Variants in XKR9 observed in about 807,000 individuals in gnomAD.
XKR9 encodes XK related 9, also known as XK-related protein 9.
A neutral mutation model predicts 32.0 loss-of-function variants in XKR9; 32 were observed. That is an observed-to-expected ratio of 1.00 (90% CI 0.76 to 1.34). XKR9 has a LOEUF of 1.34. XKR9 is among the 40% of genes most tolerant of loss of function. The probability of loss-of-function intolerance (pLI) is 0.00; values close to 1 mark genes in which losing one functional copy is unlikely to be tolerated. For missense variants in XKR9, 546 were observed against 429.7 expected, an observed-to-expected ratio of 1.27 and a Z score of -2.39; for synonymous variants, 168 against 143.4, an observed-to-expected ratio of 1.17 and a Z score of -1.22.
the XKR9 span, among the ~76,000 whole-genome samples, chr8:70,961,528 C>T: frequency 2.6e-5 from 4 of 152,078 alleles, no homozygotes; most frequent in Non-Finnish European, 5.9e-5. Flanking sequence ...CTTTTTTTGT[C>T]TATTGCCTGA....
At chr8:70,982,582 A>T in the XKR9 span, among the ~76,000 whole-genome samples, 1 of 152,116 alleles carries the variant, frequency 6.6e-6, no homozygotes, top group African/African-American at 2.4e-5. Context: ...GCAGCCAGTG[A>T]CCAGGGCTGA....
the XKR9 span, among the ~76,000 whole-genome samples, chr8:71,038,720 A>G: frequency 1.3e-5 from 2 of 150,584 alleles, no homozygotes; most frequent in African/African-American, 2.4e-5. Flanking sequence ...GTTCTCATGA[A>G]TAATTGTCCT....
intron 3 of XKR9, among the ~76,000 whole-genome samples, chr8:70,700,095 C>T (rs1440289420): frequency 6.6e-6 from 1 of 152,076 alleles, no homozygotes; most frequent in Non-Finnish European, 1.5e-5. Context: ...AAATTTTTTT[C>T]AAAGTTTTTA....
the XKR9 span, among the ~76,000 whole-genome samples, chr8:70,849,767 T>G: frequency 6.6e-6 from 1 of 151,746 alleles, no homozygotes; most frequent in East Asian, 1.9e-4. Context: ...ATAGACACAA[T>G]AAAAAATGAT....
chr8:70,707,310 A>G (rs970518897), intron 4 of XKR9, among the ~76,000 whole-genome samples, 157 bp downstream of exon 4: 2 of 152,090 alleles, frequency 1.3e-5, no homozygotes, highest in African/African-American at 4.8e-5. Context: ...ATCAAAAAGT[A>G]TATAGATAAT....
the XKR9 span, among the ~76,000 whole-genome samples, chr8:70,827,626 C>T: frequency 6.6e-6 from 1 of 152,142 alleles, no homozygotes; most frequent in Admixed American, 6.5e-5. Flanking sequence ...CACAGATACT[C>T]CCTTTAAAGC....
At chr8:70,916,010 A>G in the XKR9 span, among the ~76,000 whole-genome samples, 2 of 152,204 alleles carry the variant, frequency 1.3e-5, no homozygotes, top group African/African-American at 4.8e-5. Flanking sequence ...GATGAATAAA[A>G]GCCTTTGCTT....
chr8:70,878,484 A>T, the XKR9 span, among the ~76,000 whole-genome samples: 1 of 152,198 alleles, frequency 6.6e-6, no homozygotes, highest in Non-Finnish European at 1.5e-5. Context: ...TGGAAAGCAA[A>T]AAAAAAGCAG....
chr8:70,993,660 T>TCCTTCCTC, the XKR9 span, among the ~76,000 whole-genome samples: 1 of 140,988 alleles, frequency 7.1e-6, no homozygotes, highest in Non-Finnish European at 1.5e-5. Flanking sequence ...CTTCCTTCCT[T>TCCTTCCTC]CCTTCCTTCC....
intron 2 of XKR9, among the ~76,000 whole-genome samples, chr8:70,751,192 G>A (rs986361428): frequency 7.9e-5 from 12 of 152,134 alleles, no homozygotes; most frequent in African/African-American, 2.4e-5. Context: ...GCAGTGGCGC[G>A]ATTCGGCTCA....
chr8:70,823,735 T>C, the XKR9 span, among the ~76,000 whole-genome samples: 2 of 152,116 alleles, frequency 1.3e-5, no homozygotes, highest in South Asian at 4.1e-4. Flanking sequence ...CGAGGTGAGT[T>C]TATGAGATTG....
chr8:70,827,574 C>T, the XKR9 span, among the ~76,000 whole-genome samples: 1 of 152,182 alleles, frequency 6.6e-6, no homozygotes, highest in South Asian at 2.1e-4. Flanking sequence ...CTCAAGACAT[C>T]TCTGTGGCCT....
At chr8:70,879,599 C>A in the XKR9 span, among the ~76,000 whole-genome samples, 4 of 152,100 alleles carry the variant, frequency 2.6e-5, no homozygotes, top group South Asian at 8.3e-4. Context: ...CCTCCCAAGA[C>A]TAAACCAGAA....
intron 2 of XKR9, chr8:70,789,190 T>A (rs1178391884): frequency 1.3e-5 from 2 of 152,006 alleles, no homozygotes; most frequent in Non-Finnish European, 2.9e-5. Context: ...ATATCTATAC[T>A]GTGTATAGTA....
At chr8:70,779,412 CTT>C (rs1227559508) in intron 2 of XKR9, among the ~76,000 whole-genome samples, 5 of 152,034 alleles carry the variant, frequency 3.3e-5, no homozygotes, top group Non-Finnish European at 7.4e-5. Context: ...CTAACATTCT[CTT>C]TTTTTGTTGT....
chr8:70,753,764 C>G (rs1807177221), intron 2 of XKR9, among the ~76,000 whole-genome samples: 1 of 151,426 alleles, frequency 6.6e-6, no homozygotes, highest in Admixed American at 6.6e-5. Flanking sequence ...TGGGACGTAT[C>G]TCAAAATAAT....
At chr8:71,053,440 G>T in the XKR9 span, among the ~76,000 whole-genome samples, 1 of 152,204 alleles carries the variant, frequency 6.6e-6, no homozygotes, top group Non-Finnish European at 1.5e-5. Context: ...AAGAATTGTG[G>T]TTTCCTGACC....
the XKR9 span, among the ~76,000 whole-genome samples, chr8:70,920,123 A>G: frequency 1.3e-5 from 2 of 152,144 alleles, no homozygotes; most frequent in African/African-American, 4.8e-5. Flanking sequence ...TTTAAAGAGA[A>G]TCAATATAAG....
chr8:70,854,488 T>C, the XKR9 span, among the ~76,000 whole-genome samples: 1 of 152,228 alleles, frequency 6.6e-6, no homozygotes, highest in Non-Finnish European at 1.5e-5. Context: ...TTCACTCTGA[T>C]GGTAGTTTCT....
Sources: gnomAD v4.1 joint callset for allele counts (sites outside exome capture counted in the v4.1 genomes callset) on GRCh38, gnomAD v4.1.1 for gene constraint, MANE v1.5 for transcripts, NCBI Gene and HGNC (gene_info 2026-07-23, HGNC 2026-07-21) for gene names.